ATRNL1: variants seen among roughly 807,000 people sequenced by gnomAD.
ATRNL1 encodes the protein attractin-like protein 1.
In ATRNL1, 95 loss-of-function variants were observed where a neutral mutation model predicts 182.7. That is an observed-to-expected ratio of 0.52 (90% CI 0.44 to 0.62). The LOEUF is 0.62. ATRNL1 is among the 20% of genes least tolerant of loss of function. The pLI, the probability that ATRNL1 is intolerant of heterozygous loss-of-function variation, is 0.00. For missense variants in ATRNL1, 1,471 were observed against 1,679.5 expected (o/e 0.88, Z 2.17); for synonymous variants, 576 against 568.3 (o/e 1.01, Z -0.19).
chr10:115,146,696 G>A (rs1845987277), intron 5 of ATRNL1, among the ~76,000 whole-genome samples: 2 of 151,762 alleles, frequency 1.3e-5, no homozygotes, highest in Non-Finnish European at 1.5e-5. Flanking sequence ...TAACTCCCAC[G>A]TGTGAGTGAG....
rs1010315977 is a variant in ATRNL1 at position 115,109,904 on chromosome 10, C to A, written c.294-10281C>A. 2.0e-5 allele frequency among the ~76,000 whole-genome samples: 3 copies of A among 152,132 alleles called. No homozygotes were observed. The South Asian group carries it at 6.2e-4, about 31-fold the overall frequency. ...TGTTTAGCATATTTAGAGAGTGGTA[C>A]AACCATCACCATTACCTAATTTTAG... On this transcript the variant is annotated intron_variant, in intron 1 of 28. Coordinates refer to ENST00000355044, the MANE Select transcript of ATRNL1 (RefSeq NM_207303.4).
rs181558796 is a variant in ATRNL1 at position 115,149,334 on chromosome 10, G to A, written c.830-10706G>A. 2.4e-4 allele frequency among the ~76,000 whole-genome samples: 36 copies of A among 152,074 alleles called. 1 individual carries two copies. In the East Asian group the frequency reaches 6.6e-3, roughly 28 times the overall value. ...TCTATGCTTGCAGCTTGATTTTTCA[G>A]GCTGCTTTTTGTTAGAAAAGAAATG... On this transcript the variant is annotated intron_variant, in intron 5 of 28. Transcript: ENST00000355044.
chr10:115,127,287 T>G (rs782808772), intron 3 of ATRNL1, among the ~76,000 whole-genome samples: 2 of 152,104 alleles, frequency 1.3e-5, no homozygotes, highest in African/African-American at 2.4e-5. Context: ...AAGACTACCC[T>G]GTAGTATTAT....
At chr10:115,292,990 C>A (rs1342998248) in intron 15 of ATRNL1, among the ~76,000 whole-genome samples, 9 of 152,070 alleles carry the variant, frequency 5.9e-5, no homozygotes, top group Admixed American at 5.9e-4. Flanking sequence ...GGGCATATTT[C>A]TCTTTTTATA....
intron 27 of ATRNL1, among the ~76,000 whole-genome samples, chr10:115,778,096 T>C (rs1483049909): frequency 6.6e-6 from 1 of 152,180 alleles, no homozygotes; most frequent in Non-Finnish European, 1.5e-5. Context: ...AACAGAACTT[T>C]TAGCCGCAAT....
At chr10:115,180,245 T>C (rs1554887638) in intron 8 of ATRNL1, among the ~76,000 whole-genome samples, 1 of 152,086 alleles carries the variant, frequency 6.6e-6, no homozygotes, top group African/African-American at 2.4e-5. Flanking sequence ...TGTATATTTG[T>C]TTTTAAAAAT....
intron 26 of ATRNL1, among the ~76,000 whole-genome samples, chr10:115,636,406 T>C (rs1555028180): frequency 6.6e-6 from 1 of 152,146 alleles, no homozygotes; most frequent in African/African-American, 2.4e-5. Context: ...CAGTGGGAGC[T>C]GCAGAGGCAC....
At chr10:115,301,160 G>T (rs557937274) in intron 16 of ATRNL1, among the ~76,000 whole-genome samples, 1 of 152,152 alleles carries the variant, frequency 6.6e-6, no homozygotes, top group South Asian at 2.1e-4. Context: ...TACTTGCGTT[G>T]CTTCTACCTT....
chr10:115,740,568 C>A (rs1212878688), intron 27 of ATRNL1, among the ~76,000 whole-genome samples: 1 of 152,066 alleles, frequency 6.6e-6, no homozygotes, highest in Non-Finnish European at 1.5e-5. Context: ...TGCAGTGGCA[C>A]AATCTTGGCT....
chr10:115,256,974 A>G (rs1289173639), intron 10 of ATRNL1, among the ~76,000 whole-genome samples: 3 of 152,106 alleles, frequency 2.0e-5, no homozygotes, highest in African/African-American at 7.2e-5. Flanking sequence ...TTCTAATTTG[A>G]TTGCTCTGTG....
At chr10:115,368,733 A>G (rs1449564137) in intron 19 of ATRNL1, among the ~76,000 whole-genome samples, 2 of 125,944 alleles carry the variant, frequency 1.6e-5, no homozygotes, top group African/African-American at 3.7e-5. Flanking sequence ...TTTTTTTTTG[A>G]GGTGAATTCT....
At chr10:115,441,312 T>G (rs782021196) in intron 21 of ATRNL1, among the ~76,000 whole-genome samples, 8 of 151,906 alleles carry the variant, frequency 5.3e-5, no homozygotes, top group Non-Finnish European at 1.0e-4. Context: ...GTATTTTCTT[T>G]CAGATCAACC....
intron 8 of ATRNL1, among the ~76,000 whole-genome samples, chr10:115,177,648 G>A (rs1300096828): frequency 1.3e-5 from 2 of 152,028 alleles, no homozygotes; most frequent in Admixed American, 6.6e-5. Context: ...TCTTAGTAGA[G>A]AACCTATCCA....
chr10:115,379,986 C>T (rs1475372342), intron 19 of ATRNL1, among the ~76,000 whole-genome samples: 1 of 152,106 alleles, frequency 6.6e-6, no homozygotes, highest in Non-Finnish European at 1.5e-5. Flanking sequence ...ACCACCATGC[C>T]CAGCTAATTT....
chr10:115,123,288 A>G (rs782784134), intron 3 of ATRNL1, among the ~76,000 whole-genome samples: 14 of 152,022 alleles, frequency 9.2e-5, no homozygotes, highest in Admixed American at 3.9e-4. Flanking sequence ...CCTCACAAAG[A>G]TCTCGTTGGG....
intron 28 of ATRNL1, among the ~76,000 whole-genome samples, chr10:115,941,093 G>C (rs782718590): frequency 3.3e-5 from 5 of 152,196 alleles, no homozygotes; most frequent in Non-Finnish European, 7.3e-5. Flanking sequence ...TGTTCTCTGT[G>C]AGTGCACCAC....
At chr10:115,407,346 G>A (rs1377362006) in intron 20 of ATRNL1, among the ~76,000 whole-genome samples, 1 of 151,464 alleles carries the variant, frequency 6.6e-6, no homozygotes, top group Admixed American at 6.6e-5. Flanking sequence ...TAGTTGTAAT[G>A]TAATATGCTT....
intron 27 of ATRNL1, among the ~76,000 whole-genome samples, chr10:115,760,285 A>AT (rs760791908): frequency 3.6e-4 from 54 of 151,960 alleles, no homozygotes; most frequent in Middle Eastern, 3.5e-3. Flanking sequence ...GTTTAGTTTT[A>AT]TTTTTTGCTC....
intron 26 of ATRNL1, among the ~76,000 whole-genome samples, chr10:115,582,376 T>C (rs1555007936): frequency 7.1e-6 from 1 of 141,384 alleles, no homozygotes; most frequent in African/African-American, 2.6e-5. Flanking sequence ...GTAAAAGTGT[T>C]CCTATTTCTC....
Sources: allele counts gnomAD v4.1 joint callset (sites outside exome capture counted in the v4.1 genomes callset), GRCh38; gene constraint gnomAD v4.1.1; transcripts MANE v1.5; gene names NCBI Gene and HGNC (gene_info 2026-07-23, HGNC 2026-07-21).